CAMKMT: variants seen among roughly 807,000 people sequenced by gnomAD.
CAMKMT encodes the protein calmodulin-lysine N-methyltransferase, also known as CaM KMT.
Under a neutral mutation model 48.0 loss-of-function variants are expected in CAMKMT, and 53 were observed. The ratio of observed to expected loss-of-function variants is 1.10; its 90% CI spans 0.89 to 1.39. The LOEUF is 1.39. CAMKMT is among the 40% of genes most tolerant of loss of function. The probability of loss-of-function intolerance (pLI) is 0.00; values close to 1 mark genes in which losing one functional copy is unlikely to be tolerated. For missense variants in CAMKMT, 428 were observed against 402.7 expected, an observed-to-expected ratio of 1.06 and a Z score of -0.54; for synonymous variants, 165 against 152.3, an observed-to-expected ratio of 1.08 and a Z score of -0.61.
chr2:44,669,220 A>C (rs528596510), intron 3 of CAMKMT, among the ~76,000 whole-genome samples: 1 of 152,172 alleles, frequency 6.6e-6, no homozygotes, highest in African/African-American at 2.4e-5. Context: ...TGAATTGCTT[A>C]TGTTGCTCAC....
chr2:44,582,441 G>A (rs1367094112), intron 3 of CAMKMT, among the ~76,000 whole-genome samples: 2 of 152,172 alleles, frequency 1.3e-5, no homozygotes, highest in Non-Finnish European at 1.5e-5. Context: ...AATGCACTCA[G>A]TTGTGCCTGG....
At chr2:44,576,385 A>C (rs1174779573) in intron 3 of CAMKMT, among the ~76,000 whole-genome samples, 2 of 152,112 alleles carry the variant, frequency 1.3e-5, no homozygotes, top group African/African-American at 4.8e-5. Context: ...AGAAAGGAGA[A>C]ACAGAAGCAA....
rs1274573947 is a variant in CAMKMT, at chr2:44,757,566, C to CT, written c.762+3463dup. Reference sequence around the variant, plus strand: ...CTTTGGTAAATACAGACTATGGGGGCTTTTTTTTTTTTTTTGAGATGGAGT... The same window carrying CT: ...CTTTGGTAAATACAGACTATGGGGGCTTTTTTTTTTTTTTTTGAGATGGAGT... On this transcript the variant is annotated intron_variant, in intron 9 of 10. Coordinates refer to ENST00000378494, the MANE Select transcript of CAMKMT (RefSeq NM_024766.5). Among the ~76,000 whole-genome samples, 592 of 134,340 alleles carry CT rather than the reference C, an allele frequency of 4.4e-3. 19 individuals are homozygous for CT. In the East Asian group the frequency reaches 0.059, roughly 13 times the overall value. 88.1% of individuals were successfully genotyped at this position (134,340 alleles called of 152,430 possible). A position where few individuals can be genotyped will look rare whatever the true frequency, so the allele number is the denominator to read the frequency against.
chr2:44,691,614 C>A (rs1676660055), intron 3 of CAMKMT, among the ~76,000 whole-genome samples: 1 of 152,164 alleles, frequency 6.6e-6, no homozygotes, highest in South Asian at 2.1e-4. Context: ...CTGCCCTTCT[C>A]TCAGCTCAGG....
intron 7 of CAMKMT, among the ~76,000 whole-genome samples, chr2:44,731,664 T>C (rs747382246): frequency 1.1e-4 from 17 of 152,206 alleles, no homozygotes; most frequent in Non-Finnish European, 2.2e-4. Flanking sequence ...AAAGCCAGAA[T>C]GAAAGGACAT....
chr2:44,390,290 A>G lies in CAMKMT; in HGVS notation c.361A>G (p.Asn121Asp), dbSNP rs368629633. Reference protein sequence around the residue: ...NVEDVLTSFDNTGNVCIWPSE... With the variant: ...NVEDVLTSFDDTGNVCIWPSE... ...TGAAGATGTCCTTACCAGCTTTGACAATACAGGAAATGTTTGTAAGTTATA... is the reference window on the plus strand; with the variant it reads ...TGAAGATGTCCTTACCAGCTTTGACGATACAGGAAATGTTTGTAAGTTATA... The change falls in exon 3 of 11, where the codon AAT (asparagine) becomes GAT (aspartate). Residue 121 changes from asparagine to aspartate, a missense_variant. Physicochemically the swap from Asn to Asp is conservative, Grantham distance 23. Transcript: ENST00000378494. 1.2e-6 allele frequency: 2 copies of G among 1,606,790 alleles called. No homozygotes were observed. Among genetic ancestry groups the G allele is most frequent in the Non-Finnish European group, 1.7e-6 (2 of 1,175,908 alleles).
intron 3 of CAMKMT, among the ~76,000 whole-genome samples, chr2:44,612,056 A>G (rs1671631969): frequency 6.6e-6 from 1 of 152,196 alleles, no homozygotes; most frequent in African/African-American, 2.4e-5. Flanking sequence ...TCATCTGGGT[A>G]ACTTTCTAAT....
At chr2:44,527,595 C>T (rs1314496874) in intron 3 of CAMKMT, among the ~76,000 whole-genome samples, 1 of 151,196 alleles carries the variant, frequency 6.6e-6, no homozygotes, top group Non-Finnish European at 1.5e-5. Flanking sequence ...TAAAGATTTA[C>T]TCACTGAGAC....
chr2:44,717,374 T>A (rs1434111721), intron 7 of CAMKMT, among the ~76,000 whole-genome samples: 1 of 152,168 alleles, frequency 6.6e-6, no homozygotes, highest in Non-Finnish European at 1.5e-5. Context: ...TGAAATGCCT[T>A]GATCTTATAT....
intron 3 of CAMKMT, among the ~76,000 whole-genome samples, chr2:44,433,806 GTAT>G (rs1225332044): frequency 1.3e-5 from 2 of 152,132 alleles, no homozygotes; most frequent in African/African-American, 4.8e-5. Context: ...TTTATTCAAA[GTAT>G]TATTTTTCCT....
At chr2:44,696,565 G>A (rs958865365) in intron 3 of CAMKMT, among the ~76,000 whole-genome samples, 1 of 152,086 alleles carries the variant, frequency 6.6e-6, no homozygotes, top group Non-Finnish European at 1.5e-5. Flanking sequence ...GTTAAACTGG[G>A]GATTTTGGGC....
chr2:44,471,911 C>G (rs746678145), intron 3 of CAMKMT, among the ~76,000 whole-genome samples: 2 of 152,018 alleles, frequency 1.3e-5, no homozygotes, highest in South Asian at 4.2e-4. Flanking sequence ...AAACTACTGA[C>G]CTCAAGTGAT....
At chr2:44,575,894 T>C (rs1017413463) in intron 3 of CAMKMT, among the ~76,000 whole-genome samples, 3 of 152,108 alleles carry the variant, frequency 2.0e-5, no homozygotes, top group African/African-American at 7.2e-5. Flanking sequence ...TTGTAAAGTA[T>C]GAGTGAGACT....
intron 3 of CAMKMT, among the ~76,000 whole-genome samples, chr2:44,458,042 C>CTTTTTTTTTTTTTTTTTTTTT (rs541348745): frequency 1.3e-5 from 1 of 75,396 alleles, no homozygotes; most frequent in Non-Finnish European, 2.4e-5. Flanking sequence ...AGCTTTGTGA[C>CTTTTTTTTTTTTTTTTTTTTT]TTTTTTTTTT....
chr2:44,683,544 G>C (rs752859828), intron 3 of CAMKMT, among the ~76,000 whole-genome samples: 4 of 152,158 alleles, frequency 2.6e-5, no homozygotes, highest in Non-Finnish European at 4.4e-5. Flanking sequence ...AACGAGGCAG[G>C]GCGCGGTGGC....
rs113263542 is a variant in CAMKMT at position 44,412,330 on chromosome 2, T to G, written c.376+22025T>G. Among the ~76,000 whole-genome samples the G allele has an allele frequency of 2.8e-3, 432 of 152,234 alleles. 1 individual carries two copies. The highest frequency in any genetic ancestry group is 0.027 in the Middle Eastern group (8 of 294). Reference sequence around the variant, plus strand: ...CCATTATAATGTTTGTTTAAGTTTTTTTTGTTTGTTTGTTTTTGTTTTTGA... The same window carrying G: ...CCATTATAATGTTTGTTTAAGTTTTGTTTGTTTGTTTGTTTTTGTTTTTGA... On this transcript the variant is annotated intron_variant, in intron 3 of 10. Transcript: ENST00000378494.
chr2:44,426,000 G>A (rs564926367), intron 3 of CAMKMT, among the ~76,000 whole-genome samples: 42 of 152,076 alleles, frequency 2.8e-4, no homozygotes, highest in Admixed American at 6.6e-5. Context: ...CAAAGTGCTG[G>A]GATTACAGGC....
intron 7 of CAMKMT, among the ~76,000 whole-genome samples, chr2:44,716,382 A>C (rs1171599868): frequency 6.6e-6 from 1 of 152,204 alleles, no homozygotes; most frequent in Non-Finnish European, 1.5e-5. Flanking sequence ...CGGACATGAA[A>C]ATAGCTACAA....
rs775593878 is a variant in CAMKMT, at chr2:44,362,159, T to G, written c.138+14T>G. On this transcript the variant is annotated intron_variant, in intron 1 of 10. Coordinates refer to ENST00000378494, the MANE Select transcript of CAMKMT (RefSeq NM_024766.5). Reference sequence around the variant, plus strand: ...CTCCTGCGGCAGGTAAGGGAGAACCTGCTCGCCTCACCTTTGCCTCTGGTC... The same window carrying G: ...CTCCTGCGGCAGGTAAGGGAGAACCGGCTCGCCTCACCTTTGCCTCTGGTC... 137 of 1,459,444 alleles carry G rather than the reference T, an allele frequency of 9.4e-5. No individual in the cohort carries two copies. The highest frequency in any genetic ancestry group is 1.1e-4 in the Non-Finnish European group (127 of 1,118,334). 90.4% of individuals were successfully genotyped at this position (1,459,444 alleles called of 1,614,324 possible).
Sources: gnomAD v4.1 joint callset for allele counts (sites outside exome capture counted in the v4.1 genomes callset) on GRCh38, gnomAD v4.1.1 for gene constraint, MANE v1.5 for transcripts, NCBI Gene and HGNC (gene_info 2026-07-23, HGNC 2026-07-21) for gene names.